DCUN1D4: variants seen among roughly 807,000 people sequenced by gnomAD.
DCUN1D4 encodes DCN1-like protein 4.
A neutral mutation model predicts 47.9 loss-of-function variants in DCUN1D4; 22 were observed. That is an observed-to-expected ratio of 0.46 (90% CI 0.33 to 0.66). The LOEUF is 0.66. DCUN1D4 is among the 30% of genes least tolerant of loss of function. The pLI, the probability that DCUN1D4 is intolerant of heterozygous loss-of-function variation, is 0.02. For missense variants in DCUN1D4, 301 were observed against 340.8 expected (o/e 0.88, Z 0.92); for synonymous variants, 121 against 112.2 (o/e 1.08, Z -0.50).
In DCUN1D4 at chr4:51,913,809, T is replaced by A; in HGVS notation, c.*225T>A. ...TGTATTTACACTACAGATTGGTGAA[T>A]TTGCCAACGTCCTCACTGTGATTAT... On this transcript the variant is annotated 3_prime_UTR_variant, in exon 11 of 11. Coordinates refer to ENST00000334635, the MANE Select transcript of DCUN1D4 (RefSeq NM_001040402.3). 2.1e-6 allele frequency: 1 copy of A among 468,930 alleles called. No homozygotes were observed. The highest frequency in any genetic ancestry group is 3.8e-6 in the Non-Finnish European group (1 of 264,934). The allele number at this position is 468,930 out of a possible 1,614,324, so 29.0% of individuals were successfully genotyped here. A position where few individuals can be genotyped will look rare whatever the true frequency, so the allele number is the denominator to read the frequency against.
intron 1 of DCUN1D4, among the ~76,000 whole-genome samples, chr4:51,855,469 A>C (rs1396549444): frequency 6.6e-6 from 1 of 152,218 alleles, no homozygotes; most frequent in East Asian, 1.9e-4. Flanking sequence ...TGTTTTGCAT[A>C]AAGAAGTTAG....
intron 8 of DCUN1D4, among the ~76,000 whole-genome samples, chr4:51,903,752 T>C (rs535241925): frequency 6.6e-6 from 1 of 152,292 alleles, no homozygotes; most frequent in East Asian, 1.9e-4. Flanking sequence ...TCTTTTCTTT[T>C]GCAGTGTTTA....
upstream of DCUN1D4, among the ~76,000 whole-genome samples, chr4:51,839,181 A>AAGG: frequency 7.4e-6 from 1 of 135,752 alleles, no homozygotes; most frequent in Non-Finnish European, 1.5e-5. Flanking sequence ...AGGAAGGAAG[A>AAGG]AAGGAGAAGG....
chr4:51,897,287 T>C (rs1191206107), intron 7 of DCUN1D4, among the ~76,000 whole-genome samples: 5 of 152,212 alleles, frequency 3.3e-5, no homozygotes, highest in Non-Finnish European at 7.3e-5. Context: ...TAGTTTATCA[T>C]ATCAACAAAG....
chr4:51,897,855 A>T (rs1313441704), intron 7 of DCUN1D4, among the ~76,000 whole-genome samples: 1 of 152,248 alleles, frequency 6.6e-6, no homozygotes, highest in African/African-American at 2.4e-5. Context: ...ACAGTAACAG[A>T]TTATAACACA....
chr4:51,874,683 C>G (rs928868934), intron 4 of DCUN1D4: 1 of 255,022 alleles, frequency 3.9e-6, no homozygotes, highest in African/African-American at 2.3e-5. Flanking sequence ...TCTGTGCCTG[C>G]TGAGGACCAC....
intron 8 of DCUN1D4, among the ~76,000 whole-genome samples, chr4:51,908,163 A>C (rs2110130303): frequency 6.6e-6 from 1 of 152,324 alleles, no homozygotes; most frequent in South Asian, 2.1e-4. Flanking sequence ...ATCTGCATTA[A>C]GGAAGACCAC....
chr4:51,843,065 G>C, upstream of DCUN1D4: 5 of 1,388,404 alleles, frequency 3.6e-6, no homozygotes, highest in East Asian at 5.9e-5. Context: ...TGTCAAATGA[G>C]AGACGCAGCA....
chr4:51,891,022 C>T (rs1730337239), intron 6 of DCUN1D4, among the ~76,000 whole-genome samples: 1 of 152,190 alleles, frequency 6.6e-6, no homozygotes, highest in Admixed American at 6.5e-5. Context: ...GACCCTGGGC[C>T]CATTCCAGGC....
Position 51,894,476 on chromosome 4 carries a change from T to C in DCUN1D4, c.506+2625T>C, listed in dbSNP as rs1422539932. On this transcript the variant is annotated intron_variant, in intron 7 of 10. Coordinates refer to ENST00000334635, the MANE Select transcript of DCUN1D4 (RefSeq NM_001040402.3). Reference sequence around the variant, plus strand: ...GTGTAGTATTCCAGGCCCTAGGGAATCAAAAACCATGAGTAAGATAAAGTC... The same window carrying C: ...GTGTAGTATTCCAGGCCCTAGGGAACCAAAAACCATGAGTAAGATAAAGTC... 2.5e-4 allele frequency among the ~76,000 whole-genome samples: 37 copies of C among 148,742 alleles called. No homozygotes were observed. The Admixed American group carries it at 2.5e-3, about 10-fold the overall frequency.
intron 5 of DCUN1D4, 51 bp from the exon 6 acceptor site, chr4:51,886,517 T>C: frequency 1.3e-6 from 2 of 1,508,522 alleles, no homozygotes; most frequent in Non-Finnish European, 1.8e-6. Flanking sequence ...ACAGTGGTAA[T>C]AGTATGGTGT....
chr4:51,880,413 A>C (rs1349610928), intron 5 of DCUN1D4, among the ~76,000 whole-genome samples: 3 of 152,094 alleles, frequency 2.0e-5, no homozygotes, highest in Non-Finnish European at 4.4e-5. Context: ...AGTAGAGTGG[A>C]GTGGAGGGGC....
At chr4:51,908,944 G>A (rs766226520) in intron 8 of DCUN1D4, 6 of 456,152 alleles carry the variant, frequency 1.3e-5, no homozygotes, top group Admixed American at 4.7e-5. Flanking sequence ...TAGTGATTGC[G>A]AGCTGCTGGC....
intron 1 of DCUN1D4, among the ~76,000 whole-genome samples, chr4:51,845,804 A>T (rs981394767): frequency 6.6e-5 from 10 of 152,214 alleles, no homozygotes; most frequent in African/African-American, 2.2e-4. Flanking sequence ...CTGAACTTGG[A>T]TACTTGATTG....
upstream of DCUN1D4, among the ~76,000 whole-genome samples, chr4:51,840,318 T>TA (rs1042468474): frequency 6.6e-6 from 1 of 152,020 alleles, no homozygotes; most frequent in African/African-American, 2.4e-5. Context: ...ATGAAATACA[T>TA]AAAAAAGAAG....
intron 6 of DCUN1D4, among the ~76,000 whole-genome samples, chr4:51,889,638 T>C (rs1475754816): frequency 6.6e-6 from 1 of 152,166 alleles, no homozygotes; most frequent in East Asian, 1.9e-4. Flanking sequence ...TTTTAAATCT[T>C]TTTGGTAGAG....
At chr4:51,837,238 C>A in the DCUN1D4 span, among the ~76,000 whole-genome samples, 1 of 152,086 alleles carries the variant, frequency 6.6e-6, no homozygotes, top group Non-Finnish European at 1.5e-5. Context: ...TTTGTTAATT[C>A]CCTAGGCAGG....
chr4:51,848,808 T>C (rs541141491), intron 1 of DCUN1D4, among the ~76,000 whole-genome samples: 57 of 152,340 alleles, frequency 3.7e-4, no homozygotes, highest in African/African-American at 1.3e-3. Context: ...ATGCTGTTAA[T>C]GAGTTATGTT....
chr4:51,851,285 C>T (rs115644402), intron 1 of DCUN1D4, among the ~76,000 whole-genome samples: 102 of 152,242 alleles, frequency 6.7e-4, no homozygotes, highest in African/African-American at 2.2e-3. Context: ...ATGCATGGGA[C>T]GATGATGCCT....
Sources: allele counts gnomAD v4.1 joint callset (sites outside exome capture counted in the v4.1 genomes callset), GRCh38; gene constraint gnomAD v4.1.1; transcripts MANE v1.5; gene names NCBI Gene and HGNC (gene_info 2026-07-23, HGNC 2026-07-21).